Variants in TAFA4 observed in about 807,000 individuals in gnomAD.
TAFA4 encodes the protein TAFA chemokine like family member 4.
A neutral mutation model predicts 21.1 loss-of-function variants in TAFA4; 20 were observed. The observed-to-expected ratio is 0.95, with a 90% confidence interval of 0.67 to 1.38. TAFA4 has a LOEUF of 1.38. TAFA4 is among the 40% of genes most tolerant of loss of function. The pLI is 0.00. For missense variants in TAFA4, 211 were observed against 180.9 expected, an observed-to-expected ratio of 1.17 and a Z score of -0.95; for synonymous variants, 71 against 67.4, an observed-to-expected ratio of 1.05 and a Z score of -0.26.
At chr3:68,746,905 C>T (rs555459618) in intron 4 of TAFA4, among the ~76,000 whole-genome samples, 39 of 152,318 alleles carry the variant, frequency 2.6e-4, no homozygotes, top group African/African-American at 8.9e-4. Flanking sequence ...AATTCTTTAT[C>T]GTGGCGGTCA....
intron 3 of TAFA4, among the ~76,000 whole-genome samples, chr3:68,848,580 T>C (rs1356595068): frequency 6.6e-6 from 1 of 152,204 alleles, no homozygotes; most frequent in Non-Finnish European, 1.5e-5. Flanking sequence ...GTGGCAATGA[T>C]ACCATGCACT....
In TAFA4 at chr3:68,814,284, C is replaced by T. The variant is rs551218297; in HGVS notation, c.131-61266G>A. ...GACAGGGATGGCCTCTCTCACCACT[C>T]CTGGTCAACATAGTGTTGGAAGTTC... On this transcript the variant is annotated intron_variant, in intron 3 of 5. Coordinates refer to ENST00000295569, the MANE Select transcript of TAFA4 (RefSeq NM_182522.5). 3.3e-5 allele frequency among the ~76,000 whole-genome samples: 5 copies of T among 152,278 alleles called. No homozygotes were observed. The East Asian group carries it at 9.7e-4, about 29-fold the overall frequency.
At chr3:68,770,909 G>C (rs561813993) in intron 3 of TAFA4, among the ~76,000 whole-genome samples, 2 of 152,106 alleles carry the variant, frequency 1.3e-5, no homozygotes, top group Non-Finnish European at 2.9e-5. Flanking sequence ...CTCCCATCCT[G>C]TTCCCGTAAA....
intron 3 of TAFA4, among the ~76,000 whole-genome samples, chr3:68,808,317 G>A (rs1703748346): frequency 1.3e-5 from 2 of 152,088 alleles, no homozygotes; most frequent in South Asian, 4.1e-4. Context: ...GCAATTGAAA[G>A]CATCCTTTGT....
intron 3 of TAFA4, among the ~76,000 whole-genome samples, chr3:68,821,045 T>G (rs1208112784): frequency 1.3e-5 from 2 of 152,252 alleles, no homozygotes; most frequent in African/African-American, 4.8e-5. Flanking sequence ...ATGCATTCTG[T>G]AAATCATTTT....
intron 4 of TAFA4, 53 bp downstream of exon 4, chr3:68,752,810 G>A: frequency 6.2e-7 from 1 of 1,610,476 alleles, no homozygotes; most frequent in Non-Finnish European, 8.5e-7. Flanking sequence ...GGAAATTCCT[G>A]GTGGGTTTTG....
At chr3:68,907,056 A>AAAAAAG (rs2089907794) in intron 1 of TAFA4, among the ~76,000 whole-genome samples, 1 of 129,128 alleles carries the variant, frequency 7.7e-6, no homozygotes. Context: ...AAAAAAAAAA[A>AAAAAAG]GCCAGGGGTG....
At position 68,761,837 on chromosome 3, in the gene TAFA4, G is replaced by C. The variant is rs546596667; in HGVS notation, c.131-8819C>G. Among the ~76,000 whole-genome samples, 11 of 152,304 alleles carry C rather than the reference G, an allele frequency of 7.2e-5. 1 individual carries two copies. Among genetic ancestry groups the C allele is most frequent in the Middle Eastern group, 3.4e-3 (1 of 294 alleles). ...GTGGTAGCAGTGGAGGTAGGAAGAA[G>C]AGGTTGGATTCTGGAAGTAGAGGCT... is the stretch of plus-strand genomic sequence containing the variant. On this transcript the variant is annotated intron_variant, in intron 3 of 5. Coordinates refer to ENST00000295569, the MANE Select transcript of TAFA4 (RefSeq NM_182522.5).
intron 1 of TAFA4, among the ~76,000 whole-genome samples, chr3:68,900,159 T>C (rs2089829916): frequency 6.7e-6 from 1 of 150,044 alleles, no homozygotes; most frequent in Non-Finnish European, 1.5e-5. Flanking sequence ...TGAGAATCAC[T>C]TGAACCTGGG....
At chr3:68,858,877 G>A (rs1449679979) in intron 3 of TAFA4, among the ~76,000 whole-genome samples, 1 of 151,730 alleles carries the variant, frequency 6.6e-6, no homozygotes, top group East Asian at 1.9e-4. Context: ...CTTCATTCTG[G>A]AATATCTGAG....
chr3:68,788,972 G>A (rs956582601), intron 3 of TAFA4, among the ~76,000 whole-genome samples: 4 of 152,150 alleles, frequency 2.6e-5, no homozygotes, highest in South Asian at 2.1e-4. Flanking sequence ...GGTGGCTCAC[G>A]CCTGTAATCC....
chr3:68,820,410 A>C (rs1704087267), intron 3 of TAFA4, among the ~76,000 whole-genome samples: 1 of 152,138 alleles, frequency 6.6e-6, no homozygotes, highest in Non-Finnish European at 1.5e-5. Flanking sequence ...TGGGCACGGT[A>C]GCTGACGCCT....
At chr3:68,750,226 G>A (rs1461676798) in intron 4 of TAFA4, among the ~76,000 whole-genome samples, 2 of 152,262 alleles carry the variant, frequency 1.3e-5, no homozygotes, top group East Asian at 3.9e-4. Flanking sequence ...GAGCCCAGCA[G>A]TTCAAGGCAG....
chr3:68,866,770 T>C (rs1234109409), intron 3 of TAFA4, among the ~76,000 whole-genome samples: 3 of 150,444 alleles, frequency 2.0e-5, no homozygotes, highest in African/African-American at 7.3e-5. Flanking sequence ...GAAATTCATG[T>C]GTTGGACCAC....
intron 5 of TAFA4, among the ~76,000 whole-genome samples, chr3:68,737,694 G>T (rs111501702): frequency 2.6e-5 from 4 of 152,186 alleles, no homozygotes; most frequent in African/African-American, 9.6e-5. Flanking sequence ...ATAAGTTCAA[G>T]TTCACACTTA....
intron 3 of TAFA4, among the ~76,000 whole-genome samples, chr3:68,797,940 G>C (rs1485545573): frequency 1.3e-5 from 2 of 152,120 alleles, no homozygotes; most frequent in African/African-American, 2.4e-5. Context: ...TGGTAAAATG[G>C]TAAATTCTAT....
At chr3:68,812,038 G>A (rs376629168) in intron 3 of TAFA4, among the ~76,000 whole-genome samples, 2 of 152,150 alleles carry the variant, frequency 1.3e-5, no homozygotes, top group South Asian at 4.1e-4. Context: ...TTAAAGAAAA[G>A]AATTTTCAAC....
intron 3 of TAFA4, among the ~76,000 whole-genome samples, chr3:68,866,303 T>G (rs1385523892): frequency 6.6e-6 from 1 of 151,998 alleles, no homozygotes; most frequent in Non-Finnish European, 1.5e-5. Flanking sequence ...CACTCCCATT[T>G]CAAGACTGGC....
At chr3:68,896,375 T>C (rs377645118) in intron 1 of TAFA4, among the ~76,000 whole-genome samples, 1 of 151,904 alleles carries the variant, frequency 6.6e-6, no homozygotes, top group East Asian at 1.9e-4. Context: ...AAGCAAGAGA[T>C]GGTGATGGCT....
Sources: allele counts gnomAD v4.1 joint callset (sites outside exome capture counted in the v4.1 genomes callset), GRCh38; gene constraint gnomAD v4.1.1; transcripts MANE v1.5; gene names NCBI Gene and HGNC (gene_info 2026-07-23, HGNC 2026-07-21).